CEP112: variants seen among roughly 807,000 people sequenced by gnomAD.
The protein encoded by CEP112 is centrosomal protein 112.
In CEP112, 127 loss-of-function variants were observed where a neutral mutation model predicts 153.0. That is an observed-to-expected ratio of 0.83 (90% confidence interval 0.72 to 0.96). The LOEUF (loss-of-function observed/expected upper bound fraction) is 0.96. CEP112 is among the 40% of genes least tolerant of loss of function. The pLI, the probability that CEP112 is intolerant of heterozygous loss-of-function variation, is 0.00. For missense variants in CEP112, 1,089 were observed against 1,101.2 expected (o/e 0.99, Z 0.16); for synonymous variants, 358 against 374.4 (o/e 0.96, Z 0.51).
At position 66,104,490 on chromosome 17, in the gene CEP112, C is replaced by T. The variant is rs189257749; in HGVS notation, c.643-7858G>A. On this transcript the variant is annotated intron_variant, in intron 6 of 26. Transcript: ENST00000535342. The stretch of plus-strand genomic sequence containing the variant: ...AGCAGTGACAGCTAGGCAGTACTTG[C>T]GTGGGCCTGGGGTAAGACTTAGTGT... Among the ~76,000 whole-genome samples, 336 of 152,264 alleles carry T rather than the reference C, an allele frequency of 2.2e-3. 5 individuals are homozygous for T. The highest frequency in any genetic ancestry group is 3.0e-3 in the Non-Finnish European group (201 of 68,018).
intron 21 of CEP112, among the ~76,000 whole-genome samples, chr17:65,763,508 C>T (rs2052739685): frequency 1.3e-5 from 2 of 149,528 alleles, no homozygotes; most frequent in South Asian, 4.2e-4. Flanking sequence ...TTTTTTCAGT[C>T]TTTTTTTTTC....
chr17:65,681,348 C>CA (rs2047513500), intron 24 of CEP112, among the ~76,000 whole-genome samples: 1 of 151,984 alleles, frequency 6.6e-6, no homozygotes, highest in Admixed American at 6.6e-5. Context: ...CCCTGCCTAC[C>CA]AATCTGCTCA....
intron 24 of CEP112, among the ~76,000 whole-genome samples, chr17:65,663,772 T>TG (rs998341542): frequency 1.3e-5 from 2 of 152,142 alleles, no homozygotes; most frequent in East Asian, 3.8e-4. Flanking sequence ...GTAACAGTTT[T>TG]GGGGGGAAGC....
chr17:65,754,187 C>G (rs770251612), intron 21 of CEP112, among the ~76,000 whole-genome samples: 3 of 152,170 alleles, frequency 2.0e-5, no homozygotes, highest in Non-Finnish European at 4.4e-5. Context: ...CAGATGGCCT[C>G]CCTGAGAGGG....
intron 21 of CEP112, among the ~76,000 whole-genome samples, chr17:65,805,807 T>C (rs1037087893): frequency 5.9e-5 from 9 of 152,204 alleles, no homozygotes; most frequent in Non-Finnish European, 1.2e-4. Flanking sequence ...AATTTTGCCA[T>C]AGAATCTCTC....
intron 11 of CEP112, among the ~76,000 whole-genome samples, chr17:66,054,298 C>T (rs953772355): frequency 6.6e-6 from 1 of 152,064 alleles, no homozygotes; most frequent in African/African-American, 2.4e-5. Context: ...TTTTGTACAC[C>T]AGTAATGTTA....
intron 25 of CEP112, 60 bp from the exon 26 acceptor site, chr17:65,637,248 A>C: frequency 9.2e-7 from 1 of 1,085,064 alleles, no homozygotes; most frequent in African/African-American, 1.6e-5. Flanking sequence ...ATATTGTGCA[A>C]ATAGTATGGT....
intron 17 of CEP112, among the ~76,000 whole-genome samples, chr17:65,989,595 A>G (rs868150074): frequency 2.0e-5 from 3 of 152,196 alleles, no homozygotes; most frequent in African/African-American, 7.2e-5. Context: ...CAACACCAGA[A>G]CCATCTTACA....
At chr17:65,651,791 C>T (rs186494910) in intron 24 of CEP112, among the ~76,000 whole-genome samples, 2 of 152,236 alleles carry the variant, frequency 1.3e-5, no homozygotes, top group African/African-American at 2.4e-5. Context: ...AACTCCACCT[C>T]CCAGGTTCAA....
At chr17:65,646,431 T>C (rs1305088140) in intron 24 of CEP112, among the ~76,000 whole-genome samples, 2 of 152,242 alleles carry the variant, frequency 1.3e-5, no homozygotes, top group Non-Finnish European at 2.9e-5. Flanking sequence ...TATGTAAAGC[T>C]GAATCCTGTT....
chr17:65,859,563 C>T (rs955249710), intron 20 of CEP112, among the ~76,000 whole-genome samples: 7 of 151,640 alleles, frequency 4.6e-5, no homozygotes, highest in African/African-American at 1.7e-4. Flanking sequence ...GAAAAGATCA[C>T]TTTAACCAGA....
intron 17 of CEP112, among the ~76,000 whole-genome samples, chr17:65,986,086 A>G (rs1598015074): frequency 6.6e-6 from 1 of 152,140 alleles, no homozygotes; most frequent in East Asian, 1.9e-4. Flanking sequence ...GAATAGCTCT[A>G]GGTTTCATAG....
chr17:65,643,070 T>C (rs768553563), intron 24 of CEP112, among the ~76,000 whole-genome samples: 11 of 152,104 alleles, frequency 7.2e-5, no homozygotes, highest in Non-Finnish European at 1.3e-4. Flanking sequence ...CTGGCCATTC[T>C]GGAGTGTGTC....
At chr17:66,096,537 T>C in intron 7 of CEP112, 48 bp downstream of exon 7, 1 of 1,320,736 alleles carries the variant, frequency 7.6e-7, no homozygotes. Flanking sequence ...GATTATTTTA[T>C]TTTAAAATAC....
At chr17:66,114,153 C>A (rs1483035559) in intron 6 of CEP112, among the ~76,000 whole-genome samples, 1 of 152,182 alleles carries the variant, frequency 6.6e-6, no homozygotes, top group Admixed American at 6.5e-5. Context: ...AACATGTTTG[C>A]ACATTTCTTG....
At chr17:65,781,896 A>G (rs2054017709) in intron 21 of CEP112, among the ~76,000 whole-genome samples, 1 of 152,214 alleles carries the variant, frequency 6.6e-6, no homozygotes, top group Non-Finnish European at 1.5e-5. Context: ...CTCCATCTAT[A>G]AGAATCCTAG....
At chr17:66,179,736 C>T (rs118019482) in intron 2 of CEP112, among the ~76,000 whole-genome samples, 5,253 of 152,144 alleles carry the variant, frequency 0.035, 132 homozygotes, top group Middle Eastern at 0.061. Flanking sequence ...TGAATAACAG[C>T]GGTGAAAGTG....
At chr17:66,092,337 GC>G (rs1310010180) in intron 8 of CEP112, among the ~76,000 whole-genome samples, 69 of 127,970 alleles carry the variant, frequency 5.4e-4, no homozygotes, top group Non-Finnish European at 1.4e-4. Flanking sequence ...ACCGAGTCCG[GC>G]CTTGAAGCAT....
intron 20 of CEP112, among the ~76,000 whole-genome samples, chr17:65,867,803 T>C (rs1271263107): frequency 6.6e-6 from 1 of 152,116 alleles, no homozygotes; most frequent in Non-Finnish European, 1.5e-5. Flanking sequence ...CTTAGTTATA[T>C]GTCCCTAAAA....
Sources: gnomAD v4.1 joint callset for allele counts (sites outside exome capture counted in the v4.1 genomes callset) on GRCh38, gnomAD v4.1.1 for gene constraint, MANE v1.5 for transcripts, NCBI Gene and HGNC (gene_info 2026-07-23, HGNC 2026-07-21) for gene names.